PRKG1: variants seen among roughly 807,000 people sequenced by gnomAD.
The protein encoded by PRKG1 is protein kinase cGMP-dependent 1.
Under a neutral mutation model 88.1 loss-of-function variants are expected in PRKG1, and 35 were observed. The ratio of observed to expected loss-of-function variants is 0.40; its 90% CI spans 0.30 to 0.53. The LOEUF (loss-of-function observed/expected upper bound fraction) is 0.53, where lower values mean the gene tolerates loss of function less well. Among genes scored for constraint, PRKG1 ranks in the 20% least tolerant of loss-of-function variants. The pLI is 0.59. For missense variants in PRKG1, 540 were observed against 839.8 expected (o/e 0.64, Z 4.41); for synonymous variants, 303 against 292.5 (o/e 1.04, Z -0.37).
chr10:52,288,600 C>G, intron 14 of PRKG1, 126 bp from the exon 15 acceptor site: 1 of 1,083,884 alleles, frequency 9.2e-7, no homozygotes, highest in Non-Finnish European at 1.3e-6. Flanking sequence ...TATTTTCATT[C>G]CATTGTCACT....
intron 8 of PRKG1, among the ~76,000 whole-genome samples, chr10:52,137,161 G>A (rs1375044941): frequency 1.3e-5 from 2 of 152,018 alleles, no homozygotes; most frequent in Admixed American, 6.6e-5. Flanking sequence ...ACCATGTTCC[G>A]TAAGCCAGTG....
intron 1 of PRKG1, among the ~76,000 whole-genome samples, chr10:51,125,038 C>T (rs940927340): frequency 6.6e-6 from 1 of 152,152 alleles, no homozygotes; most frequent in Non-Finnish European, 1.5e-5. Flanking sequence ...TGGCACTTGG[C>T]CAAGCATGGT....
chr10:51,753,639 A>C (rs1179130545), intron 3 of PRKG1, among the ~76,000 whole-genome samples: 1 of 152,170 alleles, frequency 6.6e-6, no homozygotes, highest in Non-Finnish European at 1.5e-5. Context: ...TGCCTTGTTC[A>C]TAGTAAGCCT....
At chr10:51,422,801 G>A (rs971791804) in intron 2 of PRKG1, among the ~76,000 whole-genome samples, 3 of 152,000 alleles carry the variant, frequency 2.0e-5, no homozygotes, top group African/African-American at 7.2e-5. Flanking sequence ...ATCTAGTGGA[G>A]GTACCACAAT....
At chr10:51,366,657 G>C (rs544183150) in intron 2 of PRKG1, among the ~76,000 whole-genome samples, 1 of 151,796 alleles carries the variant, frequency 6.6e-6, no homozygotes, top group Non-Finnish European at 1.5e-5. Flanking sequence ...ATAGAACTAA[G>C]ACACACTATT....
chr10:51,580,715 CT>C (rs34592864), intron 3 of PRKG1, among the ~76,000 whole-genome samples: 48,922 of 151,414 alleles, frequency 0.32, 9,063 homozygotes, highest in Non-Finnish European at 0.43. Flanking sequence ...AAATTATATT[CT>C]TTTTTTTTGT....
At chr10:51,979,285 C>T (rs1355541922) in intron 5 of PRKG1, among the ~76,000 whole-genome samples, 2 of 151,918 alleles carry the variant, frequency 1.3e-5, no homozygotes, top group Admixed American at 1.3e-4. Flanking sequence ...GTTGAACCAA[C>T]CTTGAATCTT....
chr10:51,558,036 T>C (rs928782454), intron 3 of PRKG1, among the ~76,000 whole-genome samples: 4 of 152,118 alleles, frequency 2.6e-5, no homozygotes, highest in African/African-American at 9.7e-5. Context: ...GTACTGAAAA[T>C]AATATGTTTT....
chr10:51,619,673 T>G lies in PRKG1; in HGVS notation c.592+151837T>G, dbSNP rs10998516. Reference sequence around the variant, plus strand: ...CATCCCAGACAGGACAGCTAAACCCTTCTGTGCAAGAGAAAGAAAGCCATT... The same window carrying G: ...CATCCCAGACAGGACAGCTAAACCCGTCTGTGCAAGAGAAAGAAAGCCATT... On this transcript the variant is annotated intron_variant, in intron 3 of 17. Coordinates refer to ENST00000373980, the MANE Select transcript of PRKG1 (RefSeq NM_006258.4). Among the ~76,000 whole-genome samples, 36 of 152,292 alleles carry G rather than the reference T, an allele frequency of 2.4e-4. No homozygotes were observed. In the East Asian group the frequency reaches 6.2e-3, roughly 26 times the overall value.
intron 8 of PRKG1, among the ~76,000 whole-genome samples, chr10:52,152,105 AC>A (rs1387897423): frequency 6.6e-6 from 1 of 152,210 alleles, no homozygotes; most frequent in African/African-American, 2.4e-5. Flanking sequence ...CATACAGAGG[AC>A]TTTTAACTCA....
chr10:51,874,159 T>A (rs539536285), intron 4 of PRKG1, among the ~76,000 whole-genome samples: 3 of 152,230 alleles, frequency 2.0e-5, no homozygotes, highest in Non-Finnish European at 4.4e-5. Context: ...AGTTTAGTGC[T>A]GCTGAGACCA....
intron 5 of PRKG1, among the ~76,000 whole-genome samples, chr10:52,039,401 A>T (rs1589547849): frequency 6.6e-6 from 1 of 151,970 alleles, no homozygotes; most frequent in Non-Finnish European, 1.5e-5. Flanking sequence ...TAAGGCAAGG[A>T]CTGGCCATTT....
intron 5 of PRKG1, among the ~76,000 whole-genome samples, chr10:51,943,171 C>G (rs1423952462): frequency 1.3e-5 from 2 of 152,042 alleles, no homozygotes; most frequent in Non-Finnish European, 2.9e-5. Flanking sequence ...TCCTTCACGT[C>G]CCTTGGAAGT....
chr10:52,034,172 G>T (rs983450696), intron 5 of PRKG1, among the ~76,000 whole-genome samples: 2 of 152,066 alleles, frequency 1.3e-5, no homozygotes, highest in African/African-American at 4.8e-5. Flanking sequence ...AATCACAGGG[G>T]ATGCCATGGC....
At chr10:51,590,819 G>A (rs115331857) in intron 3 of PRKG1, among the ~76,000 whole-genome samples, 1 of 151,924 alleles carries the variant, frequency 6.6e-6, no homozygotes, top group Non-Finnish European at 1.5e-5. Flanking sequence ...GATATGGGGG[G>A]GGTGGGGTGG....
intron 3 of PRKG1, among the ~76,000 whole-genome samples, chr10:51,675,082 G>C (rs561742087): frequency 2.2e-4 from 33 of 152,258 alleles, no homozygotes; most frequent in African/African-American, 7.7e-4. Flanking sequence ...ATGGTTTTCA[G>C]TGAGGGAAAA....
chr10:51,048,996 G>T (rs1308920125), intron 1 of PRKG1, among the ~76,000 whole-genome samples: 1 of 152,028 alleles, frequency 6.6e-6, no homozygotes, highest in East Asian at 1.9e-4. Context: ...TTCCTCACCT[G>T]CCCATTGTGG....
chr10:51,942,327 A>C (rs1311731958), intron 5 of PRKG1, among the ~76,000 whole-genome samples: 1 of 151,654 alleles, frequency 6.6e-6, no homozygotes, highest in Non-Finnish European at 1.5e-5. Context: ...AATTTGTTTG[A>C]GTTCATTGTA....
At chr10:51,510,603 G>T (rs1320608204) in intron 3 of PRKG1, among the ~76,000 whole-genome samples, 1 of 152,012 alleles carries the variant, frequency 6.6e-6, no homozygotes, top group African/African-American at 2.4e-5. Flanking sequence ...TGAGAATATT[G>T]TACATTTTAA....
Sources: gnomAD v4.1 joint callset for allele counts (sites outside exome capture counted in the v4.1 genomes callset) on GRCh38, gnomAD v4.1.1 for gene constraint, MANE v1.5 for transcripts, NCBI Gene and HGNC (gene_info 2026-07-23, HGNC 2026-07-21) for gene names.